Variants in LHFPL5 observed in about 807,000 individuals in gnomAD.
LHFPL5 encodes the protein LHFPL tetraspan subfamily member 5 protein.
Under a neutral mutation model 18.7 loss-of-function variants are expected in LHFPL5, and 12 were observed. The ratio of observed to expected loss-of-function variants is 0.64; its 90% CI spans 0.41 to 1.04. The LOEUF is 1.04. Ranked by LOEUF, LHFPL5 falls within the 50% of genes least tolerant of loss-of-function variation. The probability of loss-of-function intolerance (pLI) is 0.00; values close to 1 mark genes in which losing one functional copy is unlikely to be tolerated. For missense variants in LHFPL5, 259 were observed against 292.1 expected (o/e 0.89, Z 0.83); for synonymous variants, 111 against 120.2 (o/e 0.92, Z 0.50).
In LHFPL5 at chr6:35,805,981, G is replaced by A; in HGVS notation, c.311G>A (p.Gly104Asp). ...FKTAMFFVALGMFLIIGSIIC... is the reference protein window; with the variant it reads ...FKTAMFFVALDMFLIIGSIIC... ...ACTGCCATGTTCTTTGTGGCCTTGG[G>A]CATGTTCCTCATCATTGGCTCCATC... is the stretch of plus-strand genomic sequence containing the variant. The change falls in exon 1 of 4, where the codon GGC becomes GAC. Residue 104 changes from glycine to aspartate, a missense_variant. Transcript: ENST00000360215. The surrounding 1 kb of genome is among the most constrained non-coding windows in gnomAD (Gnocchi z 4.3). The A allele has an allele frequency of 6.2e-7, 1 of 1,614,220 alleles. No homozygotes were observed. Among genetic ancestry groups the A allele is most frequent in the Non-Finnish European group, 8.5e-7 (1 of 1,180,042 alleles).
At chr6:35,809,909 C>G (rs1768635434) in intron 1 of LHFPL5, among the ~76,000 whole-genome samples, 1 of 152,250 alleles carries the variant, frequency 6.6e-6, no homozygotes, top group South Asian at 2.1e-4. Flanking sequence ...GCAGCCTGAT[C>G]TAATGTTTCC....
rs774401637 is a variant in LHFPL5 at position 35,823,475 on chromosome 6, A to ACTCTCTCC, written c.*511_*512insTCTCTCCC. 1 of 141,578 alleles carries ACTCTCTCC rather than the reference A, an allele frequency of 7.1e-6. No homozygotes were observed. Among genetic ancestry groups the ACTCTCTCC allele is most frequent in the African/African-American group, 2.7e-5 (1 of 37,158 alleles). The allele number at this position is 141,578 out of a possible 1,614,324, so 8.8% of individuals were successfully genotyped here. A position where few individuals can be genotyped will look rare whatever the true frequency, so the allele number is the denominator to read the frequency against. Reference sequence around the variant, plus strand: ...CACACACACACACACACACACACACACACTCTCTCTCTCTCTCAAACACAC... The same window carrying ACTCTCTCC: ...CACACACACACACACACACACACACACTCTCTCCCACTCTCTCTCTCTCTCAAACACAC... On this transcript the variant is annotated 3_prime_UTR_variant, in exon 4 of 4. Transcript: ENST00000360215.
rs1333477425 is a variant in LHFPL5 at position 35,805,899 on chromosome 6, C to A, written c.229C>A (p.Leu77Ile). Residue 77 changes from leucine to isoleucine, a missense_variant, in exon 1 of 4, where the codon CTC becomes ATC. Physicochemically the swap from Leu to Ile is conservative, Grantham distance 5. Transcript: ENST00000360215. The surrounding 1 kb of genome is among the most constrained non-coding windows in gnomAD (Gnocchi z 4.3). The part of the protein sequence containing the change: ...YCVGNVLSSE[L>I]ICKGGPLDFS... ...CGTGGGTAACGTGCTGTCCTCCGAG[C>A]TCATCTGCAAGGGCGGCCCCCTAGA... The A allele has an allele frequency of 6.2e-7, 1 of 1,614,260 alleles. No homozygotes were observed. The highest frequency in any genetic ancestry group is 1.7e-5 in the Admixed American group (1 of 60,032).
chr6:35,818,351 ATTTTTTTTTT>A (rs766409391), intron 2 of LHFPL5, among the ~76,000 whole-genome samples: 1 of 106,926 alleles, frequency 9.4e-6, no homozygotes, highest in African/African-American at 3.8e-5. Context: ...ATATATATGT[ATTTTTTTTTT>A]TTTTTTTTTT....
Position 35,814,579 on chromosome 6 carries a change from C to G in LHFPL5, c.446C>G (p.Pro149Arg). ...CTAATGATTGGCTGCCTGGTCTACC[C>G]TGATGGTTGGGACTCAAGTGAGGTG... is the stretch of plus-strand genomic sequence containing the variant. ...TGLMIGCLVY[P>R]DGWDSSEVRR... Residue 149 changes from proline to arginine, a missense_variant, in exon 2 of 4, where the codon CCT becomes CGT. Coordinates refer to ENST00000360215, the MANE Select transcript of LHFPL5 (RefSeq NM_182548.4). This position sits in a 1 kb window ranked among gnomAD's most constrained non-coding sequence, Gnocchi z 4.2. The G allele has an allele frequency of 6.2e-7, 1 of 1,614,188 alleles. No individual in the cohort carries two copies. Among genetic ancestry groups the G allele is most frequent in the Non-Finnish European group, 8.5e-7 (1 of 1,180,028 alleles).
chr6:35,816,030 G>C (rs1165401894), intron 2 of LHFPL5, among the ~76,000 whole-genome samples: 2 of 152,094 alleles, frequency 1.3e-5, no homozygotes, highest in Non-Finnish European at 2.9e-5. Context: ...AATTAGCCGG[G>C]TGCGGTGGCG....
chr6:35,810,242 AAC>A (rs1768641169), intron 1 of LHFPL5, among the ~76,000 whole-genome samples: 4 of 152,156 alleles, frequency 2.6e-5, no homozygotes, highest in Non-Finnish European at 5.9e-5. Flanking sequence ...CCCACCTCCT[AAC>A]ACCATCACAC....
chr6:35,815,421 C>A (rs916890479), intron 2 of LHFPL5, among the ~76,000 whole-genome samples: 1 of 152,162 alleles, frequency 6.6e-6, no homozygotes, highest in Admixed American at 6.5e-5. Context: ...TCCTAGGGTG[C>A]CTTTTGCTTC....
chr6:35,821,518 G>A (rs975852973), intron 3 of LHFPL5, among the ~76,000 whole-genome samples: 2 of 146,430 alleles, frequency 1.4e-5, no homozygotes, highest in African/African-American at 5.1e-5. Flanking sequence ...TTTCAGTCTT[G>A]TTGCCCAGGC....
intron 1 of LHFPL5, among the ~76,000 whole-genome samples, chr6:35,806,968 G>A (rs976214875): frequency 1.3e-5 from 2 of 152,084 alleles, no homozygotes; most frequent in African/African-American, 4.8e-5. Context: ...GGGACTCCAG[G>A]TGCGCACCAC....
At chr6:35,811,658 T>C (rs1768666219) in intron 1 of LHFPL5, among the ~76,000 whole-genome samples, 1 of 151,978 alleles carries the variant, frequency 6.6e-6, no homozygotes, top group East Asian at 1.9e-4. Flanking sequence ...CGGGAGGAAG[T>C]GATGGAGAGA....
chr6:35,813,239 A>ATTTTTTTT (rs35884324), intron 1 of LHFPL5, among the ~76,000 whole-genome samples: 5 of 56,324 alleles, frequency 8.9e-5, no homozygotes, highest in African/African-American at 1.3e-4. Context: ...AGGAACTAGC[A>ATTTTTTTT]TTTTTTTTTT....
rs1165443126 is a variant in LHFPL5, at chr6:35,823,453, A to ACG, written c.*489_*490insGC. On this transcript the variant is annotated 3_prime_UTR_variant, in exon 4 of 4. Transcript: ENST00000360215. ...CATACACACACACATATATATACAC[A>ACG]CACACACACACACACACACACACAC... 5.2e-5 allele frequency: 6 copies of ACG among 115,260 alleles called. No individual in the cohort carries two copies. The highest frequency in any genetic ancestry group is 1.8e-4 in the African/African-American group (5 of 28,338). The allele number at this position is 115,260 out of a possible 1,614,324, so 7.1% of individuals were successfully genotyped here.
At chr6:35,812,716 G>T (rs1481205633) in intron 1 of LHFPL5, among the ~76,000 whole-genome samples, 1 of 152,112 alleles carries the variant, frequency 6.6e-6, no homozygotes, top group African/African-American at 2.4e-5. Flanking sequence ...GAAGGTTAGG[G>T]TTATTATTAT....
intron 1 of LHFPL5, among the ~76,000 whole-genome samples, chr6:35,813,792 C>CT (rs1012092184): frequency 0.06 from 7,335 of 121,536 alleles, 778 homozygotes; most frequent in African/African-American, 0.19. Context: ...TTTCCTTTTC[C>CT]TTTTTTTTTT....
At chr6:35,819,176 T>C (rs1299838152) in intron 2 of LHFPL5, among the ~76,000 whole-genome samples, 1 of 152,118 alleles carries the variant, frequency 6.6e-6, no homozygotes, top group East Asian at 1.9e-4. Flanking sequence ...CAATAACAGC[T>C]AATGTGCTTC....
Position 35,815,239 on chromosome 6 carries a change from C to T in LHFPL5, c.649+457C>T, listed in dbSNP as rs1200009254. Among the ~76,000 whole-genome samples the T allele has an allele frequency of 3.9e-5, 6 of 152,020 alleles. No individual in the cohort carries two copies. The East Asian group carries it at 9.7e-4, about 24-fold the overall frequency. ...TCCTGCAGTGCAGCTGGTGGGAGCC[C>T]GAGATCCCTGGAGGAACAGCAGCCT... On this transcript the variant is annotated intron_variant, in intron 2 of 3. Coordinates refer to ENST00000360215, the MANE Select transcript of LHFPL5 (RefSeq NM_182548.4).
At chr6:35,807,473 C>T (rs372349189) in intron 1 of LHFPL5, among the ~76,000 whole-genome samples, 2 of 152,226 alleles carry the variant, frequency 1.3e-5, no homozygotes, top group Non-Finnish European at 2.9e-5. Flanking sequence ...TTGGTCCCTG[C>T]ACACCTCAGG....
intron 1 of LHFPL5, among the ~76,000 whole-genome samples, chr6:35,811,941 A>G (rs1054754890): frequency 4.6e-5 from 7 of 152,214 alleles, no homozygotes; most frequent in African/African-American, 1.7e-4. Flanking sequence ...TGGAGGGAAT[A>G]AACTTTGAAG....
Sources: allele counts gnomAD v4.1 joint callset (sites outside exome capture counted in the v4.1 genomes callset), GRCh38; gene constraint gnomAD v4.1.1; non-coding constraint Gnocchi (gnomAD v3.1); transcripts MANE v1.5; gene names NCBI Gene and HGNC (gene_info 2026-07-23, HGNC 2026-07-21).